Variants in CDYL2 observed in about 807,000 individuals in gnomAD.
The protein encoded by CDYL2 is chromodomain Y-like protein 2.
A neutral mutation model predicts 49.4 loss-of-function variants in CDYL2; 23 were observed. The observed-to-expected ratio is 0.47, with a 90% CI of 0.34 to 0.66. The LOEUF (loss-of-function observed/expected upper bound fraction) is 0.66. CDYL2 is among the 30% of genes least tolerant of loss of function. The pLI, the probability that CDYL2 is intolerant of heterozygous loss-of-function variation, is 0.01. For synonymous variants in CDYL2, 360 were observed against 268.8 expected (o/e 1.34, Z -3.32); for missense variants, 678 against 656.4 (o/e 1.03, Z -0.36).
chr16:80,675,759 G>GT (rs1221384979), intron 2 of CDYL2, among the ~76,000 whole-genome samples: 1 of 152,052 alleles, frequency 6.6e-6, no homozygotes, highest in Non-Finnish European at 1.5e-5. Flanking sequence ...AGGAGGTGAA[G>GT]TTTTATTATT....
intron 5 of CDYL2, among the ~76,000 whole-genome samples, chr16:80,608,605 C>A (rs1490282104): frequency 6.6e-6 from 1 of 152,170 alleles, no homozygotes; most frequent in South Asian, 2.1e-4. Flanking sequence ...CAGCCCACAA[C>A]AGCCCAGGGA....
chr16:80,672,844 T>A (rs1305261468), intron 2 of CDYL2, among the ~76,000 whole-genome samples: 2 of 152,216 alleles, frequency 1.3e-5, no homozygotes, highest in African/African-American at 4.8e-5. Flanking sequence ...TTAATAAATA[T>A]CTGTTGTTGG....
intron 1 of CDYL2, among the ~76,000 whole-genome samples, chr16:80,704,571 G>T (rs369687972): frequency 6.6e-6 from 1 of 152,250 alleles, no homozygotes; most frequent in Non-Finnish European, 1.5e-5. Context: ...GTTCACCACC[G>T]GTGTGTACAA....
intron 3 of CDYL2, among the ~76,000 whole-genome samples, chr16:80,629,921 C>A (rs1907478108): frequency 6.6e-6 from 1 of 152,162 alleles, no homozygotes; most frequent in African/African-American, 2.4e-5. Context: ...TTTGTGGGCT[C>A]CTGTGCATAC....
chr16:80,725,016 G>C (rs951939040), intron 1 of CDYL2, among the ~76,000 whole-genome samples: 3 of 152,184 alleles, frequency 2.0e-5, no homozygotes, highest in African/African-American at 7.2e-5. Flanking sequence ...GCATGGTCTA[G>C]ATGCCACCTG....
chr16:80,738,749 G>A (rs1488459130), intron 1 of CDYL2: 1 of 152,174 alleles, frequency 6.6e-6, no homozygotes, highest in African/African-American at 2.4e-5. Flanking sequence ...CTTTCAATTG[G>A]TGAGTCATAT....
chr16:80,759,573 G>T (rs1906457663), intron 1 of CDYL2, among the ~76,000 whole-genome samples: 1 of 152,144 alleles, frequency 6.6e-6, no homozygotes, highest in Non-Finnish European at 1.5e-5. Flanking sequence ...GGTTATGAGT[G>T]CATCGATCAA....
chr16:80,655,801 G>A (rs898631393), intron 2 of CDYL2, among the ~76,000 whole-genome samples: 1 of 152,178 alleles, frequency 6.6e-6, no homozygotes, highest in Non-Finnish European at 1.5e-5. Context: ...TCCAGGAGAC[G>A]CAGGGGAATG....
At chr16:80,708,931 A>C (rs2142509244) in intron 1 of CDYL2, among the ~76,000 whole-genome samples, 1 of 152,368 alleles carries the variant, frequency 6.6e-6, no homozygotes, top group South Asian at 2.1e-4. Context: ...CTTATTATAA[A>C]GCAACATGAG....
rs142514191 is a variant in CDYL2, at chr16:80,776,659, T to G, written c.24+27491A>C. 1.2e-3 allele frequency among the ~76,000 whole-genome samples: 188 copies of G among 151,166 alleles called. 3 individuals carry two copies. The East Asian group carries it at 0.035, about 28-fold the overall frequency. ...TATTTTAACGTACATTTGTATATTC[T>G]TATAATGATATTAACATGGATAAAT... On this transcript the variant is annotated intron_variant, in intron 1 of 6. Coordinates refer to ENST00000570137, the MANE Select transcript of CDYL2 (RefSeq NM_152342.4).
intron 1 of CDYL2, among the ~76,000 whole-genome samples, chr16:80,762,738 T>G (rs908031930): frequency 2.0e-5 from 3 of 152,184 alleles, no homozygotes; most frequent in African/African-American, 7.2e-5. Context: ...CAATTGCAAG[T>G]GTCCAGCTGA....
intron 2 of CDYL2, among the ~76,000 whole-genome samples, chr16:80,666,005 T>C (rs1484109482): frequency 6.6e-6 from 1 of 152,160 alleles, no homozygotes; most frequent in African/African-American, 2.4e-5. Flanking sequence ...AAGCACATTC[T>C]TGAGCAAAGC....
At chr16:80,681,075 T>C (rs781599714) in intron 2 of CDYL2, among the ~76,000 whole-genome samples, 4 of 152,170 alleles carry the variant, frequency 2.6e-5, no homozygotes, top group Non-Finnish European at 5.9e-5. Context: ...CAATTTAGCA[T>C]TTGTTCCACA....
intron 3 of CDYL2, among the ~76,000 whole-genome samples, chr16:80,622,410 C>G (rs985457369): frequency 2.0e-5 from 3 of 152,096 alleles, no homozygotes; most frequent in African/African-American, 7.2e-5. Flanking sequence ...TTCTCCTCCC[C>G]CTATTCTCCC....
At chr16:80,801,924 G>A (rs771876739) in intron 1 of CDYL2, among the ~76,000 whole-genome samples, 4 of 152,068 alleles carry the variant, frequency 2.6e-5, no homozygotes, top group East Asian at 1.9e-4. Flanking sequence ...TTATATTCTC[G>A]TAATGCAATT....
At chr16:80,655,796 G>C (rs1371298536) in intron 2 of CDYL2, among the ~76,000 whole-genome samples, 1 of 152,140 alleles carries the variant, frequency 6.6e-6, no homozygotes, top group Non-Finnish European at 1.5e-5. Flanking sequence ...TTCTCTCCAG[G>C]AGACGCAGGG....
intron 1 of CDYL2, among the ~76,000 whole-genome samples, chr16:80,734,564 G>A (rs1305103733): frequency 1.3e-5 from 2 of 152,168 alleles, no homozygotes; most frequent in East Asian, 1.9e-4. Context: ...GTTTGGGAAG[G>A]CAGCTAAGGA....
At chr16:80,617,655 C>G (rs1906891423) in intron 4 of CDYL2, among the ~76,000 whole-genome samples, 1 of 152,088 alleles carries the variant, frequency 6.6e-6, no homozygotes, top group South Asian at 2.1e-4. Context: ...GCCACAGTCT[C>G]TTTCTAACCC....
At chr16:80,697,046 G>A (rs1904279289) in intron 1 of CDYL2, among the ~76,000 whole-genome samples, 2 of 152,040 alleles carry the variant, frequency 1.3e-5, no homozygotes, top group African/African-American at 4.8e-5. Flanking sequence ...TAAACTGAAG[G>A]GGAGGGAATT....
Sources: allele counts gnomAD v4.1 joint callset (sites outside exome capture counted in the v4.1 genomes callset), GRCh38; gene constraint gnomAD v4.1.1; transcripts MANE v1.5; gene names NCBI Gene and HGNC (gene_info 2026-07-23, HGNC 2026-07-21).